PHEX: variants seen among roughly 807,000 people sequenced by gnomAD.
The protein encoded by PHEX is phosphate-regulating neutral endopeptidase PHEX.
PHEX carries 16 observed loss-of-function variants against 68.0 expected under a neutral mutation model. The ratio of observed to expected loss-of-function variants is 0.24; its 90% confidence interval spans 0.16 to 0.36. The LOEUF (loss-of-function observed/expected upper bound fraction) is 0.36, where lower values mean the gene tolerates loss of function less well. PHEX is among the 10% of genes least tolerant of loss of function. The pLI is 1.00. For synonymous variants in PHEX, 208 were observed against 205.1 expected, an observed-to-expected ratio of 1.01 and a Z score of -0.12; for missense variants, 480 against 575.5, an observed-to-expected ratio of 0.83 and a Z score of 1.70.
At chrX:22,050,308 T>G (rs977068582) in intron 3 of PHEX, among the ~76,000 whole-genome samples, 5 of 111,965 alleles carry the variant, frequency 4.5e-5, no homozygotes, top group African/African-American at 1.6e-4. Context: ...CTGAGCGTGG[T>G]GGCTAACACC....
At chrX:22,226,411 ATT>A (rs68100043) in intron 18 of PHEX, 30 bp from the exon 19 acceptor site, 288,266 of 917,262 alleles carry the variant, frequency 0.31, 29,067 homozygotes, top group Non-Finnish European at 0.34. Context: ...ACACGCATTC[ATT>A]TTTTTTTTTT....
intron 8 of PHEX, chrX:22,097,633 G>A (rs1253004073): frequency 1.1e-5 from 4 of 365,949 alleles, no homozygotes; most frequent in South Asian, 1.4e-4. Flanking sequence ...CTGGTTTTCC[G>A]TTTCAACAGT....
In PHEX at chrX:22,249,455, A is replaced by AAAAAAAATATATATATAT; in HGVS notation, c.*1503_*1504insAAAAAATATATATATATA. ...TTGTGATTCTTTTAAAAAAAAAAAA[A>AAAAAAAATATATATATAT]ATATATATATATATATATATATATA... On this transcript the variant is annotated 3_prime_UTR_variant, in exon 22 of 22. Coordinates refer to ENST00000379374, the MANE Select transcript of PHEX (RefSeq NM_000444.6). 3 of 39,762 alleles carry AAAAAAAATATATATATAT rather than the reference A, an allele frequency of 7.5e-5. No individual in the cohort carries two copies. The allele number at this position is 39,762 out of a possible 1,213,427, so 3.3% of individuals were successfully genotyped here. A position where few individuals can be genotyped will look rare whatever the true frequency, so the allele number is the denominator to read the frequency against.
In PHEX at chrX:22,046,712, A is replaced by T. The variant is rs755342650; in HGVS notation, c.188-338A>T. 3.0e-4 allele frequency among the ~76,000 whole-genome samples: 33 copies of T among 109,758 alleles called. No homozygotes were observed. In the South Asian group the frequency reaches 0.013, roughly 42 times the overall value. ...CCTCTGAGTAGCTGGGATTACAGGC[A>T]TGCATCACCATATCTGGCTAATTTT... On this transcript the variant is annotated intron_variant, in intron 2 of 21. Coordinates refer to ENST00000379374, the MANE Select transcript of PHEX (RefSeq NM_000444.6).
At chrX:22,090,324 G>T in intron 5 of PHEX, 105 bp from the exon 6 acceptor site, 1 of 629,858 alleles carries the variant, frequency 1.6e-6, no homozygotes, top group Non-Finnish European at 2.6e-6. Flanking sequence ...ATGGTGACAT[G>T]AGCTCAAAAT....
intron 3 of PHEX, among the ~76,000 whole-genome samples, chrX:22,068,355 A>T (rs1037900712): frequency 9.0e-6 from 1 of 111,648 alleles, no homozygotes; most frequent in African/African-American, 3.3e-5. Flanking sequence ...TCACAAAGAC[A>T]TTGCACCACT....
intron 9 of PHEX, among the ~76,000 whole-genome samples, chrX:22,104,500 T>C (rs1930583774): frequency 1.8e-5 from 2 of 111,750 alleles, no homozygotes; most frequent in African/African-American, 6.5e-5. Flanking sequence ...TGTGCATCTC[T>C]TCCTAACTAC....
chrX:22,202,889 A>G (rs1934601689), intron 15 of PHEX, among the ~76,000 whole-genome samples: 1 of 111,950 alleles, frequency 8.9e-6, no homozygotes, highest in Non-Finnish European at 1.9e-5. Flanking sequence ...CTGGATCATC[A>G]GCATCGCTTG....
intron 15 of PHEX, among the ~76,000 whole-genome samples, chrX:22,198,996 A>G (rs183604320): frequency 9.0e-6 from 1 of 111,195 alleles, no homozygotes; most frequent in Non-Finnish European, 1.9e-5. Flanking sequence ...CATTTATAAA[A>G]CCATCAGATC....
chrX:22,223,434 C>G lies in PHEX; in HGVS notation c.1899+1691C>G, dbSNP rs144822236. 2.1e-3 allele frequency among the ~76,000 whole-genome samples: 233 copies of G among 111,469 alleles called. 1 individual carries two copies. Among genetic ancestry groups the G allele is most frequent in the African/African-American group, 7.4e-3 (226 of 30,656 alleles). On this transcript the variant is annotated intron_variant, in intron 18 of 21. Transcript: ENST00000379374. ...AGGGGTGAGGCTGCTCCAAAAGGCTCTAAATTAGATATAAAGCTTAGAGTG... is the reference window on the plus strand; with the variant it reads ...AGGGGTGAGGCTGCTCCAAAAGGCTGTAAATTAGATATAAAGCTTAGAGTG...
chrX:22,088,611 G>A (rs1345216237), intron 5 of PHEX, among the ~76,000 whole-genome samples: 1 of 111,543 alleles, frequency 9.0e-6, no homozygotes, highest in Non-Finnish European at 1.9e-5. Flanking sequence ...CTTTGATGAA[G>A]TGTCTGTTAG....
intron 12 of PHEX, among the ~76,000 whole-genome samples, chrX:22,166,359 C>A (rs898581904): frequency 1.1e-4 from 12 of 111,292 alleles, no homozygotes; most frequent in Non-Finnish European, 2.1e-4. Context: ...GATCTGACCC[C>A]AGGCCAATTT....
At chrX:22,059,619 A>G (rs965689570) in intron 3 of PHEX, among the ~76,000 whole-genome samples, 2 of 112,106 alleles carry the variant, frequency 1.8e-5, no homozygotes, top group African/African-American at 6.5e-5. Flanking sequence ...CAAGAGATGT[A>G]GGCAGAAAAA....
chrX:22,076,518 C>A, intron 4 of PHEX, 44 bp downstream of exon 4: 1 of 813,090 alleles, frequency 1.2e-6, no homozygotes. Context: ...CCATCCCTAT[C>A]CTTTAGAGTT....
chrX:22,148,822 TA>T (rs779372001), intron 12 of PHEX, among the ~76,000 whole-genome samples: 3 of 112,121 alleles, frequency 2.7e-5, no homozygotes, highest in South Asian at 7.4e-4. Flanking sequence ...TTGACTGAAT[TA>T]TTTTTTTCTG....
chrX:22,212,216 G>C (rs915959038), intron 15 of PHEX, among the ~76,000 whole-genome samples: 4 of 111,301 alleles, frequency 3.6e-5, no homozygotes, highest in African/African-American at 6.5e-5. Context: ...TGAATGGAAA[G>C]TATGGCCTCT....
intron 10 of PHEX, among the ~76,000 whole-genome samples, chrX:22,111,917 A>G (rs112978638): frequency 0.017 from 1,856 of 112,212 alleles, 17 homozygotes; most frequent in Non-Finnish European, 0.026. Flanking sequence ...TCTTTGTGAT[A>G]TATTTGTAAC....
At chrX:22,120,095 G>A (rs1366574760) in intron 11 of PHEX, among the ~76,000 whole-genome samples, 1 of 111,601 alleles carries the variant, frequency 9.0e-6, no homozygotes, top group Non-Finnish European at 1.9e-5. Flanking sequence ...AACAGTAGCA[G>A]TTAGCTTTCA....
chrX:22,214,900 C>T (rs1023926112), intron 16 of PHEX, among the ~76,000 whole-genome samples: 25 of 111,868 alleles, frequency 2.2e-4, no homozygotes, highest in African/African-American at 8.1e-4. Flanking sequence ...CCATAGTTTT[C>T]TTTGGTGTTC....
Sources: allele counts gnomAD v4.1 joint callset (sites outside exome capture counted in the v4.1 genomes callset), GRCh38; gene constraint gnomAD v4.1.1; transcripts MANE v1.5; gene names NCBI Gene and HGNC (gene_info 2026-07-23, HGNC 2026-07-21).